GALNT18: variants seen among roughly 807,000 people sequenced by gnomAD.
GALNT18 encodes the protein GalNAc-transferase 18.
GALNT18 carries 44 observed loss-of-function variants against 69.5 expected under a neutral mutation model. The observed-to-expected ratio is 0.63, with a 90% CI of 0.50 to 0.81. The LOEUF (loss-of-function observed/expected upper bound fraction) is 0.81. Ranked by LOEUF, GALNT18 falls within the 40% of genes least tolerant of loss-of-function variation. The probability of loss-of-function intolerance (pLI) is 0.00; values close to 1 mark genes in which losing one functional copy is unlikely to be tolerated. For missense variants in GALNT18, 715 were observed against 810.0 expected (o/e 0.88, Z 1.42); for synonymous variants, 364 against 318.2 (o/e 1.14, Z -1.53).
chr11:11,457,489 T>G (rs1220723765), intron 1 of GALNT18, among the ~76,000 whole-genome samples: 2 of 152,308 alleles, frequency 1.3e-5, no homozygotes, highest in Admixed American at 1.3e-4. Context: ...GACAAGGGAA[T>G]CAGAGGAGTC....
chr11:11,330,564 C>G (rs1279723202), intron 8 of GALNT18, among the ~76,000 whole-genome samples: 1 of 152,152 alleles, frequency 6.6e-6, no homozygotes, highest in African/African-American at 2.4e-5. Flanking sequence ...GGTCAGAGCC[C>G]TCTGCCAGCT....
At chr11:11,329,834 T>G (rs1300834760) in intron 8 of GALNT18, among the ~76,000 whole-genome samples, 1 of 152,180 alleles carries the variant, frequency 6.6e-6, no homozygotes, top group African/African-American at 2.4e-5. Flanking sequence ...AGCTGGTCTG[T>G]CAGACTCCAA....
intron 10 of GALNT18, among the ~76,000 whole-genome samples, chr11:11,285,139 C>T (rs16909324): frequency 0.13 from 19,177 of 151,790 alleles, 1,390 homozygotes; most frequent in East Asian, 0.22. Context: ...CACATATTTG[C>T]GACAGGCTCA....
At chr11:11,369,316 T>TA (rs954300459) in intron 6 of GALNT18, among the ~76,000 whole-genome samples, 27 of 152,296 alleles carry the variant, frequency 1.8e-4, no homozygotes, top group African/African-American at 6.0e-4. Flanking sequence ...CCCAACCCTC[T>TA]AGGGAAGGAT....
intron 3 of GALNT18, among the ~76,000 whole-genome samples, chr11:11,381,176 G>A (rs891838954): frequency 4.6e-5 from 7 of 152,206 alleles, no homozygotes; most frequent in Non-Finnish European, 8.8e-5. Context: ...TTCAAGCACC[G>A]TTGCCAGGAG....
intron 6 of GALNT18, among the ~76,000 whole-genome samples, chr11:11,367,884 G>A (rs963708130): frequency 6.6e-6 from 1 of 152,076 alleles, no homozygotes; most frequent in African/African-American, 2.4e-5. Flanking sequence ...GCATACAATG[G>A]AGGCCTTTTT....
intron 1 of GALNT18, among the ~76,000 whole-genome samples, chr11:11,532,699 C>A (rs1298564632): frequency 6.6e-6 from 1 of 152,204 alleles, no homozygotes; most frequent in Non-Finnish European, 1.5e-5. Context: ...CAGAGGGCTT[C>A]CCGCTGAGCT....
chr11:11,385,352 G>A (rs1854025203), intron 3 of GALNT18, among the ~76,000 whole-genome samples: 1 of 150,824 alleles, frequency 6.6e-6, no homozygotes, highest in Admixed American at 6.6e-5. Context: ...ATGGAGTGCA[G>A]TGGTGCAATC....
chr11:11,483,147 T>G (rs1856569403), intron 1 of GALNT18, among the ~76,000 whole-genome samples: 1 of 147,050 alleles, frequency 6.8e-6, no homozygotes, highest in Non-Finnish European at 1.5e-5. Context: ...CCCACTGCTG[T>G]GCCTAAGAGA....
rs553796944 is a variant in GALNT18 at position 11,543,677 on chromosome 11, C to A, written c.235+77682G>T. Among the ~76,000 whole-genome samples, 1 of 152,170 alleles carries A rather than the reference C, an allele frequency of 6.6e-6. No homozygotes were observed. ...CCCCTCGCCACCCACTGACCTGATGCGAATCCCATCCATCCCTAGGACCTA... is the reference window on the plus strand; with the variant it reads ...CCCCTCGCCACCCACTGACCTGATGAGAATCCCATCCATCCCTAGGACCTA... On this transcript the variant is annotated intron_variant, in intron 1 of 10. Transcript: ENST00000227756. The surrounding 1 kb of genome is among the most constrained non-coding windows in gnomAD (Gnocchi z 5.1).
intron 1 of GALNT18, among the ~76,000 whole-genome samples, chr11:11,533,942 C>T (rs931230728): frequency 2.0e-5 from 3 of 152,238 alleles, no homozygotes; most frequent in African/African-American, 7.2e-5. Context: ...TCATGTACCC[C>T]AGCCCCTCGG....
rs1345709523 is a variant in GALNT18 at position 11,542,234 on chromosome 11, C to G, written c.235+79125G>C. 6.6e-6 allele frequency among the ~76,000 whole-genome samples: 1 copy of G among 152,190 alleles called. No individual in the cohort carries two copies. The highest frequency in any genetic ancestry group is 1.5e-5 in the Non-Finnish European group (1 of 68,032). ...GCAAAGCAAAACAAAACTGTGGGAACAGCCTGTCATCTCACTCAGAGCTCC... is the reference window on the plus strand; with the variant it reads ...GCAAAGCAAAACAAAACTGTGGGAAGAGCCTGTCATCTCACTCAGAGCTCC... On this transcript the variant is annotated intron_variant, in intron 1 of 10. Transcript: ENST00000227756. The surrounding 1 kb of genome is among the most constrained non-coding windows in gnomAD (Gnocchi z 4.3).
chr11:11,528,503 ATTTGGCC>A (rs1402513465), intron 1 of GALNT18, among the ~76,000 whole-genome samples: 2 of 152,352 alleles, frequency 1.3e-5, no homozygotes, highest in East Asian at 3.9e-4. Context: ...TGTGAGCTGA[ATTTGGCC>A]TTTAGGGAAT....
At chr11:11,509,746 A>T (rs931509159) in intron 1 of GALNT18, among the ~76,000 whole-genome samples, 4 of 152,260 alleles carry the variant, frequency 2.6e-5, no homozygotes, top group African/African-American at 9.6e-5. Context: ...AGGACTGGCC[A>T]CAGGCCTTTG....
At chr11:11,398,076 A>T (rs887981443) in intron 3 of GALNT18, among the ~76,000 whole-genome samples, 1 of 152,234 alleles carries the variant, frequency 6.6e-6, no homozygotes, top group Non-Finnish European at 1.5e-5. Flanking sequence ...GCATTATTTA[A>T]TCTTCAAAAC....
At chr11:11,559,640 G>GGATGT (rs1197797215) in intron 1 of GALNT18, among the ~76,000 whole-genome samples, 9 of 23,740 alleles carry the variant, frequency 3.8e-4, no homozygotes, top group Admixed American at 1.1e-3. Context: ...TGATGGGATG[G>GGATGT]GATGCGATGG....
intron 1 of GALNT18, among the ~76,000 whole-genome samples, chr11:11,607,585 G>C (rs1203376760): frequency 6.6e-6 from 1 of 152,208 alleles, no homozygotes; most frequent in Non-Finnish European, 1.5e-5. Context: ...ACATTTTGTA[G>C]AGGGGGAAGA....
chr11:11,274,634 G>A (rs1470984287), intron 10 of GALNT18, among the ~76,000 whole-genome samples: 1 of 152,160 alleles, frequency 6.6e-6, no homozygotes, highest in African/African-American at 2.4e-5. Context: ...GCATGCCATG[G>A]TGGTTTGCTG....
Position 11,564,931 on chromosome 11 carries a change from C to T in GALNT18, c.235+56428G>A, listed in dbSNP as rs911518611. 6.6e-6 allele frequency among the ~76,000 whole-genome samples: 1 copy of T among 152,242 alleles called. No homozygotes were observed. The highest frequency in any genetic ancestry group is 6.5e-5 in the Admixed American group (1 of 15,292). On this transcript the variant is annotated intron_variant, in intron 1 of 10. Transcript: ENST00000227756. The surrounding 1 kb of genome is among the most constrained non-coding windows in gnomAD (Gnocchi z 4.3). The stretch of plus-strand genomic sequence containing the variant: ...TCTCCCTCCCCACAGAATGCTTGCT[C>T]TATTGGACAGCCCTGATCTAGACCC...
Sources: allele counts gnomAD v4.1 joint callset (sites outside exome capture counted in the v4.1 genomes callset), GRCh38; gene constraint gnomAD v4.1.1; non-coding constraint Gnocchi (gnomAD v3.1); transcripts MANE v1.5; gene names NCBI Gene and HGNC (gene_info 2026-07-23, HGNC 2026-07-21).